The following SYT1 variants were observed in gnomAD, a reference collection of about 807,000 sequenced individuals.
SYT1 encodes the protein synaptotagmin-1.
A neutral mutation model predicts 44.8 loss-of-function variants in SYT1; 8 were observed. That is an observed-to-expected ratio of 0.18 (90% confidence interval 0.10 to 0.32). The LOEUF (loss-of-function observed/expected upper bound fraction) is 0.32, where lower values mean the gene tolerates loss of function less well. Ranked by LOEUF, SYT1 falls within the 10% of genes least tolerant of loss-of-function variation. The pLI is 1.00. For synonymous variants in SYT1, 154 were observed against 188.8 expected (o/e 0.82, Z 1.51); for missense variants, 286 against 509.3 (o/e 0.56, Z 4.22).
At chr12:79,391,240 G>C (rs1340926467) in intron 9 of SYT1, among the ~76,000 whole-genome samples, 1 of 152,142 alleles carries the variant, frequency 6.6e-6, no homozygotes, top group East Asian at 1.9e-4. Flanking sequence ...CAGTGATCCT[G>C]ATTCAATAGC....
chr12:78,970,425 TTAG>T (rs1306598284), intron 1 of SYT1, among the ~76,000 whole-genome samples: 4 of 152,276 alleles, frequency 2.6e-5, no homozygotes, highest in African/African-American at 9.6e-5. Context: ...TATCAGTATA[TTAG>T]TTTCATTTTA....
intron 1 of SYT1, among the ~76,000 whole-genome samples, chr12:78,966,594 ATTAC>A (rs1045592759): frequency 6.6e-6 from 1 of 152,148 alleles, no homozygotes; most frequent in African/African-American, 2.4e-5. Flanking sequence ...TTTCTTCCAT[ATTAC>A]TTATATCAGG....
At chr12:79,335,868 A>C (rs1882067256) in intron 8 of SYT1, among the ~76,000 whole-genome samples, 2 of 152,188 alleles carry the variant, frequency 1.3e-5, no homozygotes, top group South Asian at 4.1e-4. Flanking sequence ...AAGCAGCTGG[A>C]AAGTAGAATG....
chr12:78,940,071 G>T (rs1592585213), intron 1 of SYT1, among the ~76,000 whole-genome samples: 1 of 152,114 alleles, frequency 6.6e-6, no homozygotes, highest in Non-Finnish European at 1.5e-5. Context: ...ATATAAAGCA[G>T]CATTTGCCAT....
chr12:79,295,966 T>C (rs757021525), intron 6 of SYT1, 103 bp from the exon 7 acceptor site: 21 of 1,252,684 alleles, frequency 1.7e-5, no homozygotes, highest in Non-Finnish European at 2.3e-5. Context: ...TAAAAATAAA[T>C]AGGAAGAGGG....
intron 3 of SYT1, among the ~76,000 whole-genome samples, chr12:79,064,926 G>GAGAGAGAAAGAAAGAA (rs1555194727): frequency 2.7e-5 from 3 of 111,454 alleles, no homozygotes; most frequent in African/African-American, 1.1e-4. Flanking sequence ...AAAAAATAGA[G>GAGAGAGAAAGAAAGAA]AGAAAGAAAG....
intron 4 of SYT1, among the ~76,000 whole-genome samples, chr12:79,225,569 G>T (rs1875469589): frequency 6.6e-6 from 1 of 152,094 alleles, no homozygotes; most frequent in Admixed American, 6.5e-5. Flanking sequence ...ATATATTATG[G>T]GTGCAAACTT....
chr12:79,092,924 C>A (rs113828250), intron 3 of SYT1, among the ~76,000 whole-genome samples: 2 of 151,550 alleles, frequency 1.3e-5, no homozygotes, highest in Non-Finnish European at 3.0e-5. Context: ...TGGCACACAA[C>A]GCTTTAACAT....
intron 5 of SYT1, among the ~76,000 whole-genome samples, chr12:79,289,325 G>A (rs537017101): frequency 6.6e-6 from 1 of 152,286 alleles, no homozygotes; most frequent in African/African-American, 2.4e-5. Context: ...TTTGTTCTAT[G>A]AAGAGGAAAA....
chr12:79,241,342 C>T (rs1256819726), intron 4 of SYT1, among the ~76,000 whole-genome samples: 1 of 152,002 alleles, frequency 6.6e-6, no homozygotes, highest in Non-Finnish European at 1.5e-5. Context: ...ACGATCTCGG[C>T]TCACTGCAAC....
intron 3 of SYT1, among the ~76,000 whole-genome samples, chr12:79,116,901 G>A (rs1384253872): frequency 1.3e-5 from 2 of 152,150 alleles, no homozygotes; most frequent in Non-Finnish European, 2.9e-5. Flanking sequence ...CTCCAGTGAG[G>A]AGGGCAAGTA....
At chr12:79,113,450 G>T (rs945420915) in intron 3 of SYT1, among the ~76,000 whole-genome samples, 13 of 151,896 alleles carry the variant, frequency 8.6e-5, no homozygotes, top group African/African-American at 2.7e-4. Flanking sequence ...AATTCTTAGA[G>T]TTATAAATTC....
chr12:79,405,654 C>T (rs1415963204), intron 9 of SYT1, among the ~76,000 whole-genome samples: 1 of 152,102 alleles, frequency 6.6e-6, no homozygotes, highest in Non-Finnish European at 1.5e-5. Flanking sequence ...ACAGAAAATC[C>T]TCTGTAAACA....
chr12:79,340,186 G>GT (rs1437292727), intron 8 of SYT1, among the ~76,000 whole-genome samples: 1 of 152,146 alleles, frequency 6.6e-6, no homozygotes, highest in Non-Finnish European at 1.5e-5. Flanking sequence ...CTTTAAAGTA[G>GT]TTTTTTCCAA....
At chr12:79,323,948 CTTTTTTT>C (rs56962075) in intron 8 of SYT1, among the ~76,000 whole-genome samples, 2 of 112,628 alleles carry the variant, frequency 1.8e-5, no homozygotes, top group African/African-American at 6.6e-5. Flanking sequence ...TTTCTATTTT[CTTTTTTT>C]TTTTTTTTTT....
intron 8 of SYT1, among the ~76,000 whole-genome samples, chr12:79,331,803 T>A (rs1881868302): frequency 6.6e-6 from 1 of 151,412 alleles, no homozygotes; most frequent in Non-Finnish European, 1.5e-5. Context: ...GGATATCATA[T>A]AATAAAATTA....
intron 6 of SYT1, among the ~76,000 whole-genome samples, chr12:79,294,982 A>G (rs1292687781): frequency 6.6e-6 from 1 of 152,126 alleles, no homozygotes. Flanking sequence ...ACCTAGCCAA[A>G]ATGCACTTAA....
intron 1 of SYT1, among the ~76,000 whole-genome samples, chr12:78,963,761 G>A (rs1185862301): frequency 6.6e-6 from 1 of 152,018 alleles, no homozygotes; most frequent in Non-Finnish European, 1.5e-5. Context: ...AAAAGCAAGA[G>A]GAGGCTTCTC....
chr12:79,419,508 A>G (rs552900989), intron 9 of SYT1, among the ~76,000 whole-genome samples: 10 of 152,262 alleles, frequency 6.6e-5, no homozygotes, highest in Admixed American at 2.6e-4. Flanking sequence ...ATTTCTAAGC[A>G]TAGACTTCTC....
Sources: gnomAD v4.1 joint callset for allele counts (sites outside exome capture counted in the v4.1 genomes callset) on GRCh38, gnomAD v4.1.1 for gene constraint, MANE v1.5 for transcripts, NCBI Gene and HGNC (gene_info 2026-07-23, HGNC 2026-07-21) for gene names.